Variants in EBF4 observed in about 807,000 individuals in gnomAD.
EBF4 encodes transcription factor COE4.
Under a neutral mutation model 67.1 loss-of-function variants are expected in EBF4, and 34 were observed. The observed-to-expected ratio is 0.51, with a 90% CI of 0.39 to 0.67. The LOEUF (loss-of-function observed/expected upper bound fraction) is 0.67, where lower values mean the gene tolerates loss of function less well. Among genes scored for constraint, EBF4 ranks in the 30% least tolerant of loss-of-function variants. The pLI, the probability that EBF4 is intolerant of heterozygous loss-of-function variation, is 0.00. For synonymous variants in EBF4, 387 were observed against 377.7 expected, an observed-to-expected ratio of 1.02 and a Z score of -0.29; for missense variants, 837 against 873.3, an observed-to-expected ratio of 0.96 and a Z score of 0.52.
intron 15 of EBF4, 149 bp from the exon 16 acceptor site, chr20:2,758,760 A>G: frequency 2.9e-6 from 2 of 689,618 alleles, no homozygotes; most frequent in Non-Finnish European, 5.1e-6. Context: ...CCCGATCTGC[A>G]GTGCTGCCAT....
At chr20:2,750,008 T>C (rs1322651230) in intron 10 of EBF4, 35 bp downstream of exon 10, 16 of 1,523,532 alleles carry the variant, frequency 1.1e-5, no homozygotes, top group Non-Finnish European at 1.4e-5. Flanking sequence ...AGGTCTAAGG[T>C]GCGCGGAGGG....
At chr20:2,744,238 G>A (rs551628112) in intron 6 of EBF4, among the ~76,000 whole-genome samples, 3 of 150,754 alleles carry the variant, frequency 2.0e-5, no homozygotes, top group Admixed American at 6.6e-5. Flanking sequence ...CTGCCACCAC[G>A]CCCGGCTAAT....
intron 1 of EBF4, among the ~76,000 whole-genome samples, chr20:2,695,594 C>T (rs1386230580): frequency 9.2e-5 from 14 of 152,188 alleles, no homozygotes; most frequent in South Asian, 2.1e-4. Context: ...AGCCCCCACT[C>T]GCTTTGTTGT....
chr20:2,705,780 C>T (rs1349043546), intron 2 of EBF4, 47 bp downstream of exon 2: 1 of 1,448,128 alleles, frequency 6.9e-7, no homozygotes, highest in East Asian at 2.5e-5. Flanking sequence ...GGAGGGAACC[C>T]CCAACCACAC....
chr20:2,694,685 C>T (rs2087263029), intron 1 of EBF4, among the ~76,000 whole-genome samples: 1 of 152,136 alleles, frequency 6.6e-6, no homozygotes, highest in African/African-American at 2.4e-5. Flanking sequence ...GAAGTCTGAG[C>T]TGTTGCAGCA....
At chr20:2,718,842 G>A (rs2087643245) in intron 6 of EBF4, among the ~76,000 whole-genome samples, 1 of 151,762 alleles carries the variant, frequency 6.6e-6, no homozygotes, top group Admixed American at 6.6e-5. Flanking sequence ...TCTCCTTCTG[G>A]TGTCTTAAGG....
chr20:2,697,413 C>T (rs947427842), intron 1 of EBF4, among the ~76,000 whole-genome samples: 15 of 148,770 alleles, frequency 1.0e-4, no homozygotes, highest in Admixed American at 4.7e-4. Flanking sequence ...GGCGTGGTGG[C>T]GGGCGCCTGT....
intron 2 of EBF4, 52 bp downstream of exon 2, chr20:2,705,785 C>CA (rs2087446106): frequency 3.5e-5 from 26 of 752,246 alleles, no homozygotes; most frequent in Non-Finnish European, 5.1e-5. Context: ...GAACCCCCAA[C>CA]CACACACACA....
chr20:2,720,347 C>A (rs59626215), intron 6 of EBF4, among the ~76,000 whole-genome samples: 15,624 of 152,080 alleles, frequency 0.1, 877 homozygotes, highest in Admixed American at 0.14. Flanking sequence ...CCCCCTGCCT[C>A]GGCCTCCCAA....
intron 6 of EBF4, among the ~76,000 whole-genome samples, chr20:2,730,561 A>AG (rs1433671966): frequency 1.3e-5 from 2 of 152,142 alleles, no homozygotes; most frequent in Non-Finnish European, 2.9e-5. Flanking sequence ...CCCCCAGTAA[A>AG]GGGGGTTGGG....
At chr20:2,717,200 A>G (rs6037384) in intron 6 of EBF4, among the ~76,000 whole-genome samples, 16,943 of 152,256 alleles carry the variant, frequency 0.11, 1,218 homozygotes, top group East Asian at 0.29. Context: ...CATTTATTCA[A>G]TAAATATTTA....
At chr20:2,743,360 G>C (rs2087996943) in intron 6 of EBF4, among the ~76,000 whole-genome samples, 1 of 152,230 alleles carries the variant, frequency 6.6e-6, no homozygotes, top group Non-Finnish European at 1.5e-5. Context: ...CCTGGTTCTA[G>C]ACCCCAACGG....
At chr20:2,724,978 T>C (rs1351326726) in intron 6 of EBF4, among the ~76,000 whole-genome samples, 1 of 152,218 alleles carries the variant, frequency 6.6e-6, no homozygotes, top group Admixed American at 6.5e-5. Flanking sequence ...TGGCAGTATA[T>C]GAGAGCTTCT....
chr20:2,701,946 C>G (rs1225519681), intron 1 of EBF4, among the ~76,000 whole-genome samples: 1 of 152,168 alleles, frequency 6.6e-6, no homozygotes, highest in Admixed American at 6.5e-5. Flanking sequence ...GTAATCAGGG[C>G]CCCGCTGTGA....
intron 1 of EBF4, among the ~76,000 whole-genome samples, chr20:2,704,832 G>A (rs943220349): frequency 6.6e-6 from 1 of 152,212 alleles, no homozygotes; most frequent in African/African-American, 2.4e-5. Flanking sequence ...TGGGATGCAG[G>A]GGATATTTGG....
At chr20:2,753,743 C>T (rs891927307) in intron 14 of EBF4, among the ~76,000 whole-genome samples, 23 of 152,244 alleles carry the variant, frequency 1.5e-4, no homozygotes, top group African/African-American at 5.5e-4. Flanking sequence ...GTGTGTCCTG[C>T]CTGCTTTCTG....
intron 6 of EBF4, among the ~76,000 whole-genome samples, chr20:2,738,659 C>T (rs1366360696): frequency 6.6e-6 from 1 of 152,136 alleles, no homozygotes; most frequent in Non-Finnish European, 1.5e-5. Context: ...TGGTGGGCAG[C>T]TGGGGGCCCC....
intron 1 of EBF4, among the ~76,000 whole-genome samples, chr20:2,695,883 C>A (rs554433319): frequency 6.6e-6 from 1 of 152,326 alleles, no homozygotes; most frequent in East Asian, 1.9e-4. Context: ...TTGACACCTT[C>A]CTCAGCCTCA....
chr20:2,715,742 C>CTTAG (rs2087599906), intron 6 of EBF4, among the ~76,000 whole-genome samples: 3 of 151,972 alleles, frequency 2.0e-5, no homozygotes. Flanking sequence ...AATTTGTTGG[C>CTTAG]TTATTTATTT....
Sources: allele counts gnomAD v4.1 joint callset (sites outside exome capture counted in the v4.1 genomes callset), GRCh38; gene constraint gnomAD v4.1.1; transcripts MANE v1.5; gene names NCBI Gene and HGNC (gene_info 2026-07-23, HGNC 2026-07-21).